Variants in SEMA6A observed in about 807,000 individuals in gnomAD.
The protein encoded by SEMA6A is semaphorin-6A.
SEMA6A carries 25 observed loss-of-function variants against 96.8 expected under a neutral mutation model. That is an observed-to-expected ratio of 0.26 (90% CI 0.19 to 0.36). The LOEUF is 0.36. SEMA6A is among the 10% of genes least tolerant of loss of function. SEMA6A has a pLI of 1.00. For synonymous variants in SEMA6A, 612 were observed against 518.0 expected (o/e 1.18, Z -2.46); for missense variants, 1,363 against 1,323.1 (o/e 1.03, Z -0.47).
chr5:116,455,022 G>A (rs976172271), intron 18 of SEMA6A, among the ~76,000 whole-genome samples: 8 of 152,174 alleles, frequency 5.3e-5, no homozygotes, highest in African/African-American at 1.9e-4. Flanking sequence ...GTGGTTGACT[G>A]TAGATGAACC....
intron 1 of SEMA6A, among the ~76,000 whole-genome samples, chr5:116,522,503 G>C (rs1274473006): frequency 6.6e-6 from 1 of 152,176 alleles, no homozygotes; most frequent in African/African-American, 2.4e-5. Context: ...CTGTGATGCA[G>C]ATGGATGTAT....
At chr5:116,573,980 C>G (rs1761354635) in intron 1 of SEMA6A, among the ~76,000 whole-genome samples, 2 of 151,666 alleles carry the variant, frequency 1.3e-5, no homozygotes, top group East Asian at 2.0e-4. Context: ...CGGACGCACT[C>G]TGGGGCGCAG....
chr5:116,469,659 T>G (rs1755986190), intron 17 of SEMA6A: 2 of 152,234 alleles, frequency 1.3e-5, no homozygotes, highest in South Asian at 2.1e-4. Flanking sequence ...TCAATTTAAC[T>G]GTGTTCAAGA....
intron 1 of SEMA6A, among the ~76,000 whole-genome samples, chr5:116,558,448 CTTTTTTT>C (rs1008671132): frequency 2.9e-5 from 1 of 34,744 alleles, no homozygotes; most frequent in African/African-American, 8.0e-5. Context: ...TTTAAGGATT[CTTTTTTT>C]TTTTTTTTTT....
intron 1 of SEMA6A, among the ~76,000 whole-genome samples, chr5:116,526,157 T>C (rs1759215557): frequency 6.6e-6 from 1 of 152,156 alleles, no homozygotes; most frequent in Non-Finnish European, 1.5e-5. Context: ...ATCCTTTGTG[T>C]CTTGAACTAC....
intron 1 of SEMA6A, among the ~76,000 whole-genome samples, chr5:116,542,885 GGCTGCTACTTCAGCA>G (rs1160356971): frequency 6.6e-6 from 1 of 152,058 alleles, no homozygotes; most frequent in Non-Finnish European, 1.5e-5. Flanking sequence ...TAATTCCAGA[GGCTGCTACTTCAGCA>G]GCACTTGAAC....
rs773492533 is a variant in SEMA6A at position 116,511,581 on chromosome 5, A to G, written c.-38-6599T>C. Among the ~76,000 whole-genome samples, 16 of 152,224 alleles carry G rather than the reference A, an allele frequency of 1.1e-4. 1 individual carries two copies. Among genetic ancestry groups the G allele is most frequent in the Non-Finnish European group, 5.9e-5 (4 of 68,044 alleles). ...AGTTCATATATAGGCTGATGCATCT[A>G]TGCTTATGTGGACGAAGTGGCTGAA... is the stretch of plus-strand genomic sequence containing the variant. On this transcript the variant is annotated intron_variant, in intron 1 of 18. Coordinates refer to ENST00000343348, the MANE Select transcript of SEMA6A (RefSeq NM_020796.5).
rs1236460133 is a variant in SEMA6A, at chr5:116,491,717, CGA to C, written c.535+21_535+22del. 3.1e-6 allele frequency: 5 copies of C among 1,594,952 alleles called. No individual in the cohort carries two copies. The East Asian group carries it at 1.1e-4, about 36-fold the overall frequency. On this transcript the variant is annotated intron_variant, in intron 7 of 18. Transcript: ENST00000343348. ...ATGAAACAAGCAAAAGCAAGTGCAA[CGA>C]GGAGAAATCAGGTCGCTTACCTGCA... is the stretch of plus-strand genomic sequence containing the variant.
chr5:116,489,061 G>A, intron 7 of SEMA6A, 54 bp from the exon 8 acceptor site: 3 of 1,505,146 alleles, frequency 2.0e-6, no homozygotes, highest in Non-Finnish European at 2.7e-6. Flanking sequence ...AGTGGGGGTG[G>A]AGGAATAATA....
At chr5:116,489,744 C>T (rs970279381) in intron 7 of SEMA6A, among the ~76,000 whole-genome samples, 2 of 152,146 alleles carry the variant, frequency 1.3e-5, no homozygotes, top group African/African-American at 2.4e-5. Context: ...GGGGGAGATA[C>T]GATTGAGGGT....
In SEMA6A at chr5:116,477,878, A is replaced by C. The variant is rs751112107; in HGVS notation, c.1617T>G (p.Gly539=). 1.9e-6 allele frequency: 3 copies of C among 1,613,906 alleles called. No homozygotes were observed. In the South Asian group the frequency reaches 3.3e-5, roughly 18 times the overall value. ...RDPYCGWIKE[G]GACSHLSPNS... is the part of the protein sequence containing the mutation. ...TGGGTGATAAATGGCTGCAGGCACC[A>C]CCTTCCTTTATCCATCCACAATATG... The change falls in exon 15 of 19, where the codon GGT becomes GGG. Residue 539 remains glycine, a synonymous_variant. Transcript: ENST00000343348.
At chr5:116,462,221 T>C (rs1337422844) in intron 18 of SEMA6A, among the ~76,000 whole-genome samples, 2 of 152,142 alleles carry the variant, frequency 1.3e-5, no homozygotes, top group Admixed American at 6.6e-5. Flanking sequence ...TGATTAACTA[T>C]ACTCACCTAA....
intron 16 of SEMA6A, among the ~76,000 whole-genome samples, chr5:116,473,513 A>T (rs755122211): frequency 2.0e-5 from 3 of 152,226 alleles, no homozygotes; most frequent in African/African-American, 7.2e-5. Context: ...ATGCTGTGAG[A>T]AACTGTCCAG....
At chr5:116,538,798 C>A (rs1195341825) in intron 1 of SEMA6A, among the ~76,000 whole-genome samples, 2 of 151,490 alleles carry the variant, frequency 1.3e-5, no homozygotes, top group Non-Finnish European at 2.9e-5. Flanking sequence ...CACCTTGTCA[C>A]CATCACCATC....
At chr5:116,537,110 G>C (rs913948163) in intron 1 of SEMA6A, among the ~76,000 whole-genome samples, 2 of 152,216 alleles carry the variant, frequency 1.3e-5, no homozygotes, top group Admixed American at 6.5e-5. Flanking sequence ...TAGAAGGTAA[G>C]TGTTCGCAAC....
At chr5:116,502,003 G>A (rs1437624653) in intron 3 of SEMA6A, among the ~76,000 whole-genome samples, 1 of 152,164 alleles carries the variant, frequency 6.6e-6, no homozygotes, top group Non-Finnish European at 1.5e-5. Context: ...GCCCAAATAT[G>A]CTATTATTTC....
intron 7 of SEMA6A, 91 bp from the exon 8 acceptor site, chr5:116,489,098 C>T (rs1012343565): frequency 1.1e-5 from 15 of 1,367,152 alleles, no homozygotes; most frequent in Middle Eastern, 5.3e-4. Flanking sequence ...TGCTTTCCAA[C>T]ATCAGGCAAA....
At position 116,444,287 on chromosome 5, in the gene SEMA6A, A is replaced by G. The variant is rs942587284; in HGVS notation, c.*2326T>C. ...CCACCTACTCCTAAACAACAGCAAA[A>G]CTAATGGACTTTTGGAACAAAGGGC... On this transcript the variant is annotated 3_prime_UTR_variant, in exon 19 of 19. Transcript: ENST00000343348. 1.3e-5 allele frequency: 2 copies of G among 151,874 alleles called. No homozygotes were observed. Among genetic ancestry groups the G allele is most frequent in the Non-Finnish European group, 2.9e-5 (2 of 68,002 alleles). 9.4% of individuals were successfully genotyped at this position (151,874 alleles called of 1,614,324 possible). A position where few individuals can be genotyped will look rare whatever the true frequency, so the allele number is the denominator to read the frequency against.
In SEMA6A at chr5:116,447,704, T is replaced by C. The variant is rs1754332773; in HGVS notation, c.2002A>G (p.Ile668Val). ...TGATCACAGACGCAGTAGACGGTGATGCCCGAGAAGACGGCCCCCATGACG... is the reference window on the plus strand; with the variant it reads ...TGATCACAGACGCAGTAGACGGTGACGCCCGAGAAGACGGCCCCCATGACG... ...AFVMGAVFSG[I>V]TVYCVCDHRR... The change falls in exon 19 of 19, where the codon ATC becomes GTC. Residue 668 changes from isoleucine (I) to valine (V), a missense_variant. Ile to Val is a conservative substitution (Grantham distance 29). Coordinates refer to ENST00000343348, the MANE Select transcript of SEMA6A (RefSeq NM_020796.5). The C allele has an allele frequency of 6.2e-7, 1 of 1,613,986 alleles. No homozygotes were observed. The highest frequency in any genetic ancestry group is 8.5e-7 in the Non-Finnish European group (1 of 1,179,868).
Sources: gnomAD v4.1 joint callset for allele counts (sites outside exome capture counted in the v4.1 genomes callset) on GRCh38, gnomAD v4.1.1 for gene constraint, MANE v1.5 for transcripts, NCBI Gene and HGNC (gene_info 2026-07-23, HGNC 2026-07-21) for gene names.